VCAM1: variants seen among roughly 807,000 people sequenced by gnomAD.
VCAM1 encodes vascular cell adhesion molecule 1, also known as vascular cell adhesion protein 1.
Under a neutral mutation model 63.8 loss-of-function variants are expected in VCAM1, and 41 were observed. That is an observed-to-expected ratio of 0.64 (90% CI 0.50 to 0.83). The LOEUF (loss-of-function observed/expected upper bound fraction) is 0.83. Among genes scored for constraint, VCAM1 ranks in the 40% least tolerant of loss-of-function variants. The pLI, the probability that VCAM1 is intolerant of heterozygous loss-of-function variation, is 0.00. For missense variants in VCAM1, 798 were observed against 875.5 expected (o/e 0.91, Z 1.12); for synonymous variants, 338 against 320.7 (o/e 1.05, Z -0.58).
At chr1:100,723,837 C>CT (rs1244252498) in intron 3 of VCAM1, among the ~76,000 whole-genome samples, 1 of 151,946 alleles carries the variant, frequency 6.6e-6, no homozygotes, top group Non-Finnish European at 1.5e-5. Flanking sequence ...GTTTGATTGC[C>CT]TCCAATCTCC....
intron 2 of VCAM1, among the ~76,000 whole-genome samples, chr1:100,722,499 A>C (rs939258400): frequency 6.6e-6 from 1 of 152,102 alleles, no homozygotes; most frequent in Non-Finnish European, 1.5e-5. Flanking sequence ...CCCTGACTAT[A>C]ATAAGAAAAT....
chr1:100,723,476 T>C, intron 3 of VCAM1, 136 bp downstream of exon 3: 1 of 916,192 alleles, frequency 1.1e-6, no homozygotes, highest in South Asian at 1.9e-5. Context: ...ATTCACAACA[T>C]AATGTTTGTC....
chr1:100,728,146 C>T (rs1412782176), intron 4 of VCAM1, among the ~76,000 whole-genome samples: 1 of 152,048 alleles, frequency 6.6e-6, no homozygotes, highest in African/African-American at 2.4e-5. Flanking sequence ...ATGCACCCAG[C>T]CGGGATAGCG....
At position 100,731,064 on chromosome 1, in the gene VCAM1, T is replaced by C; in HGVS notation, c.1205-134T>C. 8.3e-6 allele frequency: 6 copies of C among 724,150 alleles called. No individual in the cohort carries two copies. The highest frequency in any genetic ancestry group is 3.2e-5 in the Admixed American group (1 of 31,020). The allele number at this position is 724,150 out of a possible 1,614,324, so 44.9% of individuals were successfully genotyped here. Reference sequence around the variant, plus strand: ...ATATGTCATTTATAAATACTGTCATTACTTATATATTGACAGTCATTCTAT... The same window carrying C: ...ATATGTCATTTATAAATACTGTCATCACTTATATATTGACAGTCATTCTAT... On this transcript the variant is annotated intron_variant, in intron 5 of 8. Transcript: ENST00000294728. This position sits in a 1 kb window ranked among gnomAD's most constrained non-coding sequence, Gnocchi z 4.2.
intron 3 of VCAM1, among the ~76,000 whole-genome samples, chr1:100,723,946 A>G (rs2100824893): frequency 6.6e-6 from 1 of 152,124 alleles, no homozygotes; most frequent in Non-Finnish European, 1.5e-5. Flanking sequence ...TATGTTCTGC[A>G]CTGGGTACCA....
intron 4 of VCAM1, among the ~76,000 whole-genome samples, chr1:100,725,982 AC>A (rs1660146473): frequency 6.6e-6 from 1 of 152,006 alleles, no homozygotes; most frequent in Non-Finnish European, 1.5e-5. Context: ...ATCATGATGT[AC>A]AATAGATCTA....
chr1:100,732,761 T>C (rs1660509014), intron 7 of VCAM1, 77 bp downstream of exon 7: 1 of 1,445,514 alleles, frequency 6.9e-7, no homozygotes, highest in Admixed American at 2.7e-5. Context: ...GTAAAGTCTT[T>C]GAAAACAAAA....
chr1:100,723,419 GT>G, intron 3 of VCAM1, 79 bp downstream of exon 3: 4 of 1,244,300 alleles, frequency 3.2e-6, no homozygotes, highest in Middle Eastern at 2.2e-4. Context: ...TAGCAGAAAA[GT>G]AAAAAAAAAA....
intron 4 of VCAM1, among the ~76,000 whole-genome samples, chr1:100,727,389 T>G (rs1660208400): frequency 6.6e-6 from 1 of 152,098 alleles, no homozygotes; most frequent in Non-Finnish European, 1.5e-5. Flanking sequence ...CTAAGTGGAT[T>G]ATCTCGGTTG....
intron 2 of VCAM1, among the ~76,000 whole-genome samples, chr1:100,721,848 G>C (rs577985512): frequency 6.6e-6 from 1 of 152,132 alleles, no homozygotes; most frequent in East Asian, 1.9e-4. Flanking sequence ...TGGATTAGAG[G>C]AACATTTCTT....
chr1:100,732,499 G>C lies in VCAM1; in HGVS notation c.1607G>C (p.Ser536Thr). 6.2e-7 allele frequency: 1 copy of C among 1,613,186 alleles called. No individual in the cohort carries two copies. The highest frequency in any genetic ancestry group is 1.1e-5 in the South Asian group (1 of 90,836). Reference protein sequence around the residue: ...EGSSVNMTCLSQGFPAPKILW... With the variant: ...EGSSVNMTCLTQGFPAPKILW... ...AGTTCTGTGAATATGACATGCTTGA[G>C]CCAGGGCTTTCCTGCTCCGAAAATC... Residue 536 changes from serine (S) to threonine (T), a missense_variant, in exon 7 of 9, where the codon AGC becomes ACC. Physicochemically the swap from Ser to Thr is moderately conservative, Grantham distance 58. Coordinates refer to ENST00000294728, the MANE Select transcript of VCAM1 (RefSeq NM_001078.4).
At chr1:100,730,928 A>G (rs1234694072) in intron 5 of VCAM1, among the ~76,000 whole-genome samples, 4 of 152,144 alleles carry the variant, frequency 2.6e-5, no homozygotes, top group Non-Finnish European at 5.9e-5. Flanking sequence ...GCCATGGCAC[A>G]CAGCAAGATT....
intron 7 of VCAM1, 95 bp downstream of exon 7, chr1:100,732,779 T>G (rs1660509482): frequency 7.4e-7 from 1 of 1,360,498 alleles, no homozygotes; most frequent in Non-Finnish European, 9.8e-7. Flanking sequence ...AAATTTTTAC[T>G]ACAAAAGTGT....
intron 1 of VCAM1, 66 bp from the exon 2 acceptor site, chr1:100,720,410 G>A: frequency 6.5e-7 from 1 of 1,538,212 alleles, no homozygotes; most frequent in South Asian, 1.3e-5. Context: ...ATTATACAGA[G>A]AAGAAGGAGG....
At chr1:100,722,951 T>A in intron 2 of VCAM1, 69 bp from the exon 3 acceptor site, 1 of 1,475,116 alleles carries the variant, frequency 6.8e-7, no homozygotes, top group Non-Finnish European at 9.0e-7. Context: ...TTGTATTGTG[T>A]TAAAGTGGTA....
chr1:100,731,630 A>C lies in VCAM1; in HGVS notation c.1525+112A>C, dbSNP rs2100832155. 1 of 1,011,698 alleles carries C rather than the reference A, an allele frequency of 9.9e-7. No homozygotes were observed. The highest frequency in any genetic ancestry group is 2.6e-5 in the East Asian group (1 of 38,388). 62.7% of individuals were successfully genotyped at this position (1,011,698 alleles called of 1,614,324 possible). ...AAAACCTCTGTGGAGAAAAAACGTT[A>C]CTGAAAAGAAATTTCAAAATAATGA... is the stretch of plus-strand genomic sequence containing the variant. On this transcript the variant is annotated intron_variant, in intron 6 of 8. Transcript: ENST00000294728. This position sits in a 1 kb window ranked among gnomAD's most constrained non-coding sequence, Gnocchi z 4.2.
chr1:100,723,831 G>C (rs1439356048), intron 3 of VCAM1, among the ~76,000 whole-genome samples: 1 of 151,986 alleles, frequency 6.6e-6, no homozygotes, highest in Non-Finnish European at 1.5e-5. Flanking sequence ...GACGGGGTTT[G>C]ATTGCCTCCA....
Position 100,729,390 on chromosome 1 carries a change from G to C in VCAM1, c.1204+8G>C, listed in dbSNP as rs1457697782. 6.5e-7 allele frequency: 1 copy of C among 1,543,450 alleles called. No individual in the cohort carries two copies. Among genetic ancestry groups the C allele is most frequent in the African/African-American group, 1.4e-5 (1 of 70,384 alleles). ...TCCAGGTGGAGCTCTACTGTAAGTG[G>C]TTTTCAGAATTGTTTACTGTTTTTT... is the stretch of plus-strand genomic sequence containing the variant. On this transcript the variant is annotated splice_region_variant and intron_variant, in intron 5 of 8. Transcript: ENST00000294728.
rs754421373 is a variant in VCAM1, at chr1:100,732,425, C to G, written c.1533C>G (p.Pro511=). ...GCGTCTCTGCCTTTTCAGTTGCCCCCAGAGATACAACCGTCTTGGTCAGCC... is the reference window on the plus strand; with the variant it reads ...GCGTCTCTGCCTTTTCAGTTGCCCCGAGAGATACAACCGTCTTGGTCAGCC... ...STQTLYVNVA[P]RDTTVLVSPS... Residue 511 remains proline (P), a synonymous_variant, in exon 7 of 9, where the codon CCC becomes CCG. Transcript: ENST00000294728. 25 of 1,557,716 alleles carry G rather than the reference C, an allele frequency of 1.6e-5. 1 individual carries two copies. The South Asian group carries it at 2.9e-4, about 18-fold the overall frequency.
Sources: gnomAD v4.1 joint callset for allele counts (sites outside exome capture counted in the v4.1 genomes callset) on GRCh38, gnomAD v4.1.1 for gene constraint, Gnocchi (gnomAD v3.1) non-coding constraint, MANE v1.5 for transcripts, NCBI Gene and HGNC (gene_info 2026-07-23, HGNC 2026-07-21) for gene names.